The following SYNPO variants were observed in gnomAD, a reference collection of about 807,000 sequenced individuals.
SYNPO encodes the protein synaptopodin.
Under a neutral mutation model 49.5 loss-of-function variants are expected in SYNPO, and 19 were observed. The ratio of observed to expected loss-of-function variants is 0.38; its 90% CI spans 0.27 to 0.56. The LOEUF (loss-of-function observed/expected upper bound fraction) is 0.56. Among genes scored for constraint, SYNPO ranks in the 20% least tolerant of loss-of-function variants. The probability of loss-of-function intolerance (pLI) is 0.68; values close to 1 mark genes in which losing one functional copy is unlikely to be tolerated. For synonymous variants in SYNPO, 536 were observed against 548.0 expected (o/e 0.98, Z 0.31); for missense variants, 1,131 against 1,248.3 (o/e 0.91, Z 1.42).
chr5:150,649,509 G>C lies in SYNPO; in HGVS notation c.1234G>C (p.Gly412Arg), dbSNP rs199673919. 3.6e-4 allele frequency: 577 copies of C among 1,612,832 alleles called. 1 individual carries two copies. The highest frequency in any genetic ancestry group is 4.6e-4 in the Non-Finnish European group (545 of 1,179,528). The stretch of plus-strand genomic sequence containing the variant: ...TGAGAAGCGGCGGCAGAGGGACCAG[G>C]GGGAGGTAGGCGTGGAGGAGGAGCC... ...ADEKRRQRDQ[G>R]EVGVEEEPFA... Residue 412 changes from glycine to arginine, a missense_variant, in exon 2 of 3, where the codon GGG becomes CGG. Gly to Arg is a moderately radical substitution (Grantham distance 125, BLOSUM62 -2). Coordinates refer to ENST00000307662, the MANE Select transcript of SYNPO (RefSeq NM_007286.6).
chr5:150,652,058 G>T (rs1758406724), intron 2 of SYNPO: 3 of 1,000,528 alleles, frequency 3.0e-6, no homozygotes, highest in East Asian at 1.1e-4. Context: ...GTTTTTGTGA[G>T]CTCTGGGCTT....
intron 1 of SYNPO, chr5:150,617,589 C>A (rs575468499): frequency 2.6e-5 from 4 of 152,352 alleles, no homozygotes; most frequent in African/African-American, 7.2e-5. Flanking sequence ...AGCCACCACC[C>A]CCGGACTGCA....
At chr5:150,639,323 C>T (rs1358706643), upstream of SYNPO, among the ~76,000 whole-genome samples, 1 of 152,228 alleles carries the variant, frequency 6.6e-6, no homozygotes, top group Non-Finnish European at 1.5e-5. Context: ...AGCCTCCTTC[C>T]CCTGGGTTTC....
the SYNPO span, among the ~76,000 whole-genome samples, chr5:150,589,454 T>C: frequency 6.6e-6 from 1 of 152,230 alleles, no homozygotes; most frequent in Non-Finnish European, 1.5e-5. Flanking sequence ...CTGCACGTCA[T>C]TACCCATCCC....
chr5:150,648,310 G>A lies in SYNPO; in HGVS notation c.35G>A (p.Arg12Gln), dbSNP rs761363144. The change falls in exon 2 of 3, where the codon CGG (arginine) becomes CAG (glutamine). Residue 12 changes from arginine to glutamine, a missense_variant. By Grantham distance (43) the Arg-to-Gln change is conservative. Transcript: ENST00000307662. This position sits in a 1 kb window ranked among gnomAD's most constrained non-coding sequence, Gnocchi z 5.0. Reference protein sequence around the residue: ...EGYSEEASLLRHLEKVASEEE... With the variant: ...EGYSEEASLLQHLEKVASEEE... Reference sequence around the variant, plus strand: ...TACTCAGAGGAGGCTAGCTTGCTGCGGCACCTGGAGAAGGTGGCCAGTGAG... The same window carrying A: ...TACTCAGAGGAGGCTAGCTTGCTGCAGCACCTGGAGAAGGTGGCCAGTGAG... 29 of 1,614,050 alleles carry A rather than the reference G, an allele frequency of 1.8e-5. No individual in the cohort carries two copies. In the Admixed American group the frequency reaches 2.2e-4, roughly 12 times the overall value.
rs190260165 is a variant in SYNPO at position 150,622,475 on chromosome 5, C to T, written c.400+3708C>T. On this transcript the variant is annotated intron_variant, in intron 2 of 2. Coordinates refer to the SYNPO transcript ENST00000394243. ...CTCTGGGGGAAACCTGGGTACTCACCGCTGATGCCTCCCTGCCTTTGCTGG... is the reference window on the plus strand; with the variant it reads ...CTCTGGGGGAAACCTGGGTACTCACTGCTGATGCCTCCCTGCCTTTGCTGG... 1.8e-3 allele frequency among the ~76,000 whole-genome samples: 275 copies of T among 152,306 alleles called. 1 individual carries two copies. Among genetic ancestry groups the T allele is most frequent in the African/African-American group, 6.4e-3 (264 of 41,558 alleles).
chr5:150,601,043 C>T (rs1446124833), upstream of SYNPO: 5 of 152,304 alleles, frequency 3.3e-5, no homozygotes, highest in East Asian at 5.8e-4. Context: ...CCCCTGACAC[C>T]CTGCCCTCCT....
chr5:150,630,156 A>C (rs1485047232), intron 2 of SYNPO, among the ~76,000 whole-genome samples: 1 of 152,170 alleles, frequency 6.6e-6, no homozygotes, highest in South Asian at 2.1e-4. Flanking sequence ...GGTGCCCTGC[A>C]GTCACTGTGG....
Position 150,648,616 on chromosome 5 carries a change from T to A in SYNPO, c.341T>A (p.Ile114Asn). The change falls in exon 2 of 3, where the codon ATC becomes AAC. Residue 114 changes from isoleucine to asparagine, a missense_variant. By Grantham distance (149) the Ile-to-Asn change is moderately radical (BLOSUM62 -3). Coordinates refer to ENST00000307662, the MANE Select transcript of SYNPO (RefSeq NM_007286.6). The surrounding 1 kb of genome is among the most constrained non-coding windows in gnomAD (Gnocchi z 5.0). Reference protein sequence around the residue: ...VVPQSLPLSSIQQNSSEAQLP... With the variant: ...VVPQSLPLSSNQQNSSEAQLP... Reference sequence around the variant, plus strand: ...CCACAGAGCCTGCCACTTTCTAGCATCCAACAGAATTCCTCAGAGGCCCAA... The same window carrying A: ...CCACAGAGCCTGCCACTTTCTAGCAACCAACAGAATTCCTCAGAGGCCCAA... 6.2e-7 allele frequency: 1 copy of A among 1,614,180 alleles called. No homozygotes were observed. Among genetic ancestry groups the A allele is most frequent in the South Asian group, 1.1e-5 (1 of 91,078 alleles).
chr5:150,653,875 C>G (rs548036600), intron 2 of SYNPO: 2 of 152,326 alleles, frequency 1.3e-5, no homozygotes, highest in South Asian at 4.1e-4. Context: ...AAGGGTCACT[C>G]CAGCATTAGT....
chr5:150,640,360 T>C (rs763420734), upstream of SYNPO, among the ~76,000 whole-genome samples: 6 of 152,124 alleles, frequency 3.9e-5, no homozygotes, highest in South Asian at 2.1e-4. Context: ...CAGGAATTCA[T>C]TGGGCAGCTG....
chr5:150,648,212 G>A lies in SYNPO; in HGVS notation c.-64G>A, dbSNP rs767052370. 45 of 1,605,582 alleles carry A rather than the reference G, an allele frequency of 2.8e-5. 1 individual carries two copies. The highest frequency in any genetic ancestry group is 1.6e-4 in the Middle Eastern group (1 of 6,076). On this transcript the variant is annotated 5_prime_UTR_variant, in exon 2 of 3. Transcript: ENST00000307662. The surrounding 1 kb of genome is among the most constrained non-coding windows in gnomAD (Gnocchi z 5.0). ...TCAGCCTGAGTTCCACCTCGCTGCC[G>A]GAGCCAGGCCCTCCACGGCACCCCA... is the stretch of plus-strand genomic sequence containing the variant.
chr5:150,628,569 TA>T (rs765039397), intron 2 of SYNPO, among the ~76,000 whole-genome samples: 9 of 151,458 alleles, frequency 5.9e-5, no homozygotes, highest in Middle Eastern at 3.4e-3. Context: ...TGATAAATGC[TA>T]AAAAAAAATG....
At chr5:150,637,250 C>T (rs893789872), upstream of SYNPO, among the ~76,000 whole-genome samples, 1 of 152,042 alleles carries the variant, frequency 6.6e-6, no homozygotes, top group Non-Finnish European at 1.5e-5. Flanking sequence ...AGTGAGGGGC[C>T]GGCTGGAAAC....
the SYNPO span, among the ~76,000 whole-genome samples, chr5:150,594,824 C>T: frequency 2.6e-5 from 4 of 152,170 alleles, no homozygotes; most frequent in Non-Finnish European, 5.9e-5. Flanking sequence ...CAAGTTTGCA[C>T]AGCAAGGTAA....
At chr5:150,604,430 C>T (rs1412639205) in intron 1 of SYNPO, among the ~76,000 whole-genome samples, 2 of 152,170 alleles carry the variant, frequency 1.3e-5, no homozygotes. Flanking sequence ...CAGTGATGCC[C>T]TGGGTTCTTG....
At chr5:150,637,449 G>A (rs1757753722), upstream of SYNPO, among the ~76,000 whole-genome samples, 1 of 152,240 alleles carries the variant, frequency 6.6e-6, no homozygotes, top group Non-Finnish European at 1.5e-5. Flanking sequence ...GAAGTGCTCA[G>A]TAAGCAGCAA....
Position 150,648,645 on chromosome 5 carries a change from C to T in SYNPO, c.370C>T (p.Pro124Ser), listed in dbSNP as rs1304665868. Reference protein sequence around the residue: ...IQQNSSEAQLPSNGTGPASKP... With the variant: ...IQQNSSEAQLSSNGTGPASKP... ...ACAGAATTCCTCAGAGGCCCAACTC[C>T]CATCTAATGGCACAGGGCCTGCTTC... Residue 124 changes from proline to serine, a missense_variant, in exon 2 of 3, where the codon CCA becomes TCA. By Grantham distance (74) the Pro-to-Ser change is moderately conservative (BLOSUM62 -1). Coordinates refer to ENST00000307662, the MANE Select transcript of SYNPO (RefSeq NM_007286.6). This position sits in a 1 kb window ranked among gnomAD's most constrained non-coding sequence, Gnocchi z 5.0. 2.5e-6 allele frequency: 4 copies of T among 1,614,104 alleles called. No individual in the cohort carries two copies. Among genetic ancestry groups the T allele is most frequent in the Non-Finnish European group, 3.4e-6 (4 of 1,180,050 alleles).
chr5:150,628,250 T>C (rs773424014), intron 2 of SYNPO, among the ~76,000 whole-genome samples: 25 of 152,164 alleles, frequency 1.6e-4, no homozygotes, highest in Non-Finnish European at 3.1e-4. Context: ...CAGCCTAGCT[T>C]CAGCTTTTCC....
Sources: gnomAD v4.1 joint callset for allele counts (sites outside exome capture counted in the v4.1 genomes callset) on GRCh38, gnomAD v4.1.1 for gene constraint, Gnocchi (gnomAD v3.1) non-coding constraint, MANE v1.5 for transcripts, NCBI Gene and HGNC (gene_info 2026-07-23, HGNC 2026-07-21) for gene names.